The following DNAH6 variants were observed in gnomAD, a reference collection of about 807,000 sequenced individuals.
The protein encoded by DNAH6 is axonemal beta dynein heavy chain 6.
A neutral mutation model predicts 491.4 loss-of-function variants in DNAH6; 340 were observed. The observed-to-expected ratio is 0.69, with a 90% CI of 0.63 to 0.76. The LOEUF is 0.76. Ranked by LOEUF, DNAH6 falls within the 30% of genes least tolerant of loss-of-function variation. The pLI, the probability that DNAH6 is intolerant of heterozygous loss-of-function variation, is 0.00. For synonymous variants in DNAH6, 1,603 were observed against 1,686.1 expected (o/e 0.95, Z 1.21); for missense variants, 4,443 against 4,972.2 (o/e 0.89, Z 3.20).
At chr2:84,515,171 G>A (rs1011853224), upstream of DNAH6, among the ~76,000 whole-genome samples, 3 of 152,142 alleles carry the variant, frequency 2.0e-5, no homozygotes, top group African/African-American at 7.2e-5. Context: ...ATCAATGATT[G>A]CATTTTACTA....
intron 68 of DNAH6, among the ~76,000 whole-genome samples, chr2:84,791,801 G>A (rs1321840131): frequency 1.3e-5 from 2 of 151,822 alleles, no homozygotes; most frequent in African/African-American, 2.4e-5. Flanking sequence ...CTTTATCCAG[G>A]TGACGATACT....
In DNAH6 at chr2:84,579,473, T is replaced by A. The variant is rs1466289659; in HGVS notation, c.2077-54T>A. The A allele has an allele frequency of 6.3e-6, 10 of 1,575,560 alleles. No homozygotes were observed. In the South Asian group the frequency reaches 1.0e-4, roughly 16 times the overall value. The stretch of plus-strand genomic sequence containing the variant: ...CCAATTAGGATTTGTCTGAAATACA[T>A]AATAAAATGAAAATATTCGACTATT... On this transcript the variant is annotated intron_variant, in intron 13 of 76. Coordinates refer to ENST00000389394, the MANE Select transcript of DNAH6 (RefSeq NM_001370.2).
intron 63 of DNAH6, among the ~76,000 whole-genome samples, chr2:84,747,847 C>T (rs1271040031): frequency 1.3e-5 from 2 of 152,196 alleles, no homozygotes; most frequent in Non-Finnish European, 2.9e-5. Flanking sequence ...CTCTTGCATT[C>T]TGCCCAACTG....
chr2:84,521,784 C>T (rs1388548896), intron 2 of DNAH6, among the ~76,000 whole-genome samples: 2 of 151,966 alleles, frequency 1.3e-5, no homozygotes, highest in African/African-American at 2.4e-5. Flanking sequence ...CATGGTTGTA[C>T]ATGTGCGGCC....
At chr2:84,770,172 C>A (rs2105171025) in intron 64 of DNAH6, among the ~76,000 whole-genome samples, 1 of 152,222 alleles carries the variant, frequency 6.6e-6, no homozygotes, top group East Asian at 1.9e-4. Flanking sequence ...AAAATACTGA[C>A]CTTACAAAAT....
intron 29 of DNAH6, among the ~76,000 whole-genome samples, chr2:84,625,617 A>G (rs1012635523): frequency 1.3e-5 from 2 of 152,194 alleles, no homozygotes; most frequent in African/African-American, 4.8e-5. Context: ...TGTTTTATAT[A>G]TTTATTTGTT....
In DNAH6 at chr2:84,694,395, A is replaced by C; in HGVS notation, c.7439A>C (p.Asp2480Ala). ...QIELSRGYNY[D>A]SFHEDLRKLY... Reference sequence around the variant, plus strand: ...GAACTCAGCCGGGGATATAATTATGATAGTTTTCATGAAGACCTGAGGAAG... The same window carrying C: ...GAACTCAGCCGGGGATATAATTATGCTAGTTTTCATGAAGACCTGAGGAAG... Residue 2480 changes from aspartate (D) to alanine (A), a missense_variant, in exon 46 of 77, where the codon GAT (aspartate) becomes GCT (alanine). Asp to Ala is a moderately radical substitution (Grantham distance 126, BLOSUM62 -2). Around this residue, in one of 3 missense-constraint regions of DNAH6, gnomAD observed 2,977 missense variants for 3,296.6 expected, o/e 0.90. Transcript: ENST00000389394. 6.4e-7 allele frequency: 1 copy of C among 1,552,362 alleles called. No homozygotes were observed.
In DNAH6 at chr2:84,578,151, TGATAGAA is replaced by T. The variant is rs1390984881; in HGVS notation, c.2076+750_2076+756del. Among the ~76,000 whole-genome samples, 16 of 152,312 alleles carry T rather than the reference TGATAGAA, an allele frequency of 1.1e-4. No homozygotes were observed. The East Asian group carries it at 2.9e-3, about 27-fold the overall frequency. ...AAAACATTTTCTGGCCCCTGGTAGA[TGATAGAA>T]GATAGAGCACTGTATAAAAAAGAGT... is the stretch of plus-strand genomic sequence containing the variant. On this transcript the variant is annotated intron_variant, in intron 13 of 76. Transcript: ENST00000389394.
chr2:84,699,467 A>G, intron 47 of DNAH6, 127 bp from the exon 48 acceptor site: 1 of 828,180 alleles, frequency 1.2e-6, no homozygotes, highest in Non-Finnish European at 1.8e-6. Context: ...GAACAAGAAA[A>G]TTTACATATC....
the DNAH6 span, among the ~76,000 whole-genome samples, chr2:84,471,483 A>T: frequency 6.6e-6 from 1 of 152,212 alleles, no homozygotes; most frequent in African/African-American, 2.4e-5. Context: ...AATAGGGGCG[A>T]TGATATTCCT....
chr2:84,683,409 C>CTTTTT (rs1355979194), intron 42 of DNAH6, among the ~76,000 whole-genome samples: 1 of 83,716 alleles, frequency 1.2e-5, no homozygotes, highest in African/African-American at 5.7e-5. Flanking sequence ...CTACACCACT[C>CTTTTT]TTATTTTTTT....
chr2:84,781,859 T>G (rs992307901), intron 65 of DNAH6, among the ~76,000 whole-genome samples: 4 of 152,192 alleles, frequency 2.6e-5, no homozygotes, highest in African/African-American at 9.7e-5. Context: ...GAGGCTAGGA[T>G]CCACTGGATC....
intron 76 of DNAH6, among the ~76,000 whole-genome samples, chr2:84,818,484 C>CAAA (rs59242387): frequency 1.1e-4 from 7 of 63,830 alleles, no homozygotes; most frequent in South Asian, 9.3e-4. Context: ...GACCCTATCT[C>CAAA]AAAAAAAAAA....
intron 68 of DNAH6, among the ~76,000 whole-genome samples, chr2:84,794,991 T>C (rs1573833127): frequency 6.6e-6 from 1 of 150,390 alleles, no homozygotes; most frequent in Non-Finnish European, 1.5e-5. Context: ...TGGAATACTA[T>C]GCAGCCATAA....
At chr2:84,505,908 A>G in the DNAH6 span, among the ~76,000 whole-genome samples, 1 of 152,184 alleles carries the variant, frequency 6.6e-6, no homozygotes, top group Non-Finnish European at 1.5e-5. Context: ...TTATGGCTGC[A>G]TAGTATTCCA....
Position 84,819,555 on chromosome 2 carries a change from TTAAAA to T in DNAH6, c.*152_*156del, listed in dbSNP as rs1327634392. ...TGTGACTTTTATTTCTCTTATGACC[TTAAAA>T]TAAAGTGTTTGAGTTCTTTCTGTTG... is the stretch of plus-strand genomic sequence containing the variant. On this transcript the variant is annotated 3_prime_UTR_variant, in exon 77 of 77. Coordinates refer to ENST00000389394, the MANE Select transcript of DNAH6 (RefSeq NM_001370.2). The T allele has an allele frequency of 5.7e-6, 3 of 530,678 alleles. No homozygotes were observed. Among genetic ancestry groups the T allele is most frequent in the Admixed American group, 3.7e-5 (1 of 27,206 alleles). 32.9% of individuals were successfully genotyped at this position (530,678 alleles called of 1,614,324 possible). A position where few individuals can be genotyped will look rare whatever the true frequency, so the allele number is the denominator to read the frequency against.
At chr2:84,793,193 C>T (rs537285306) in intron 68 of DNAH6, among the ~76,000 whole-genome samples, 2 of 149,242 alleles carry the variant, frequency 1.3e-5, no homozygotes, top group East Asian at 3.9e-4. Context: ...CACCACCACA[C>T]ACACACACGC....
intron 70 of DNAH6, among the ~76,000 whole-genome samples, chr2:84,800,119 A>G (rs1003427809): frequency 6.6e-6 from 1 of 152,200 alleles, no homozygotes; most frequent in Non-Finnish European, 1.5e-5. Context: ...AACACACTGC[A>G]CAAACCTCTA....
intron 37 of DNAH6, 34 bp from the exon 38 acceptor site, chr2:84,669,255 C>T (rs1026786089): frequency 3.6e-5 from 53 of 1,457,964 alleles, no homozygotes; most frequent in Middle Eastern, 3.4e-4. Flanking sequence ...TTGCTTATTC[C>T]CTATTGAAAG....
Sources: allele counts gnomAD v4.1 joint callset (sites outside exome capture counted in the v4.1 genomes callset), GRCh38; gene constraint gnomAD v4.1.1; regional missense constraint gnomAD v4.1.1; transcripts MANE v1.5; gene names NCBI Gene and HGNC (gene_info 2026-07-23, HGNC 2026-07-21).